The following RANBP17 variants were observed in gnomAD, a reference collection of about 807,000 sequenced individuals.
RANBP17 encodes RAN binding protein 17, also known as ran-binding protein 17.
RANBP17 carries 158 observed loss-of-function variants against 141.2 expected under a neutral mutation model. That is an observed-to-expected ratio of 1.12 (90% confidence interval 0.98 to 1.28). The LOEUF (loss-of-function observed/expected upper bound fraction) is 1.28. RANBP17 is among the 50% of genes most tolerant of loss of function. RANBP17 has a pLI of 0.00. For missense variants in RANBP17, 1,438 were observed against 1,290.7 expected, an observed-to-expected ratio of 1.11 and a Z score of -1.75; for synonymous variants, 430 against 450.0, an observed-to-expected ratio of 0.96 and a Z score of 0.56.
intron 13 of RANBP17, among the ~76,000 whole-genome samples, chr5:170,962,072 TAAC>T (rs984980691): frequency 6.6e-6 from 1 of 152,172 alleles, no homozygotes; most frequent in African/African-American, 2.4e-5. Context: ...GAGGCAAGTG[TAAC>T]AACAAGATGG....
chr5:170,988,717 T>C lies in RANBP17; in HGVS notation c.1710+20340T>C, dbSNP rs146320921. The stretch of plus-strand genomic sequence containing the variant: ...TCTACAGTTCATTATATATGTATTA[T>C]ACATACATGATCTTTGCACTTATGT... On this transcript the variant is annotated intron_variant, in intron 14 of 27. Coordinates refer to ENST00000523189, the MANE Select transcript of RANBP17 (RefSeq NM_022897.5). Among the ~76,000 whole-genome samples the C allele has an allele frequency of 4.1e-3, 617 of 151,940 alleles. 5 individuals carry two copies. The highest frequency in any genetic ancestry group is 0.014 in the African/African-American group (595 of 41,530).
At chr5:171,254,983 C>A (rs1180868101) in intron 24 of RANBP17, among the ~76,000 whole-genome samples, 1 of 152,160 alleles carries the variant, frequency 6.6e-6, no homozygotes, top group Non-Finnish European at 1.5e-5. Flanking sequence ...AGATCTTTAA[C>A]AGGGTCACTT....
At chr5:171,196,518 C>A (rs1761988485) in intron 18 of RANBP17, among the ~76,000 whole-genome samples, 1 of 152,138 alleles carries the variant, frequency 6.6e-6, no homozygotes, top group Non-Finnish European at 1.5e-5. Flanking sequence ...ACTGGGCTGG[C>A]AATCTTGCAG....
chr5:170,897,352 TCTTC>T lies in RANBP17; in HGVS notation c.489+1238_489+1241del, dbSNP rs1468710261. The T allele has an allele frequency of 5.1e-5, 27 of 525,490 alleles. No individual in the cohort carries two copies. The East Asian group carries it at 1.2e-3, about 23-fold the overall frequency. The allele number at this position is 525,490 out of a possible 1,614,324, so 32.6% of individuals were successfully genotyped here. A position where few individuals can be genotyped will look rare whatever the true frequency, so the allele number is the denominator to read the frequency against. ...CTGGGCTTGGCACATTTCTTCTTCT[TCTTC>T]TTCTTTTTTTTTTTTAAATATTCCA... is the stretch of plus-strand genomic sequence containing the variant. On this transcript the variant is annotated intron_variant, in intron 5 of 27. Transcript: ENST00000523189.
At chr5:171,131,417 A>G (rs1200263521) in intron 14 of RANBP17, among the ~76,000 whole-genome samples, 1 of 152,202 alleles carries the variant, frequency 6.6e-6, no homozygotes, top group East Asian at 1.9e-4. Context: ...ACAGCTTGGG[A>G]AAATGTGCTG....
At chr5:171,222,737 C>T (rs1763647292) in intron 22 of RANBP17, among the ~76,000 whole-genome samples, 1 of 152,074 alleles carries the variant, frequency 6.6e-6, no homozygotes, top group Non-Finnish European at 1.5e-5. Flanking sequence ...CTCAGGTGAT[C>T]CTCCCACCTC....
At chr5:170,882,754 AAC>A (rs1267491239) in intron 3 of RANBP17, among the ~76,000 whole-genome samples, 1 of 152,232 alleles carries the variant, frequency 6.6e-6, no homozygotes, top group African/African-American at 2.4e-5. Context: ...TATATGGATA[AAC>A]AGTCTTGGAA....
intron 18 of RANBP17, among the ~76,000 whole-genome samples, chr5:171,192,154 T>A (rs1350476442): frequency 6.6e-6 from 1 of 152,160 alleles, no homozygotes; most frequent in Non-Finnish European, 1.5e-5. Flanking sequence ...AAATAGCTGA[T>A]AGATAGGAAG....
At chr5:171,004,925 A>G (rs953241189) in intron 14 of RANBP17, among the ~76,000 whole-genome samples, 1 of 152,112 alleles carries the variant, frequency 6.6e-6, no homozygotes, top group Non-Finnish European at 1.5e-5. Flanking sequence ...CTTGCATGCT[A>G]GAGATGTGGT....
At chr5:171,224,781 G>A (rs576594431) in intron 22 of RANBP17, among the ~76,000 whole-genome samples, 1 of 152,304 alleles carries the variant, frequency 6.6e-6, no homozygotes, top group Admixed American at 6.5e-5. Context: ...GTAAGGCTCT[G>A]CTCCTCAATT....
Position 171,122,105 on chromosome 5 carries a change from G to T in RANBP17, c.1711-48025G>T, listed in dbSNP as rs1203210884. 5.3e-5 allele frequency among the ~76,000 whole-genome samples: 8 copies of T among 152,256 alleles called. No individual in the cohort carries two copies. The East Asian group carries it at 7.7e-4, about 15-fold the overall frequency. Reference sequence around the variant, plus strand: ...TTCCCTGCAATAGGACCTCCCTCATGGCTCTACGCAGATCCAGTCCACACA... The same window carrying T: ...TTCCCTGCAATAGGACCTCCCTCATTGCTCTACGCAGATCCAGTCCACACA... On this transcript the variant is annotated intron_variant, in intron 14 of 27. Coordinates refer to ENST00000523189, the MANE Select transcript of RANBP17 (RefSeq NM_022897.5).
chr5:171,012,175 A>G (rs1176707218), intron 14 of RANBP17, among the ~76,000 whole-genome samples: 2 of 151,918 alleles, frequency 1.3e-5, no homozygotes, highest in African/African-American at 4.8e-5. Flanking sequence ...TGGCTGAGGA[A>G]AGATAATTCT....
At chr5:171,101,075 T>C (rs1425911146) in intron 14 of RANBP17, among the ~76,000 whole-genome samples, 2 of 152,230 alleles carry the variant, frequency 1.3e-5, no homozygotes, top group Non-Finnish European at 2.9e-5. Context: ...ATGTATATTC[T>C]GTTGATTTGG....
chr5:170,884,275 C>T (rs1327261516), intron 3 of RANBP17, among the ~76,000 whole-genome samples: 1 of 152,098 alleles, frequency 6.6e-6, no homozygotes, highest in African/African-American at 2.4e-5. Flanking sequence ...GGGGCATTGA[C>T]CCCCTGCGCA....
intron 1 of RANBP17, among the ~76,000 whole-genome samples, chr5:170,875,547 AGCAAGG>A (rs1354413105): frequency 1.3e-5 from 2 of 152,096 alleles, no homozygotes; most frequent in Non-Finnish European, 2.9e-5. Context: ...GCCTTATTTC[AGCAAGG>A]TAGTCTTCAA....
intron 25 of RANBP17, among the ~76,000 whole-genome samples, chr5:171,278,054 T>G (rs1217901544): frequency 7.1e-6 from 1 of 140,430 alleles, no homozygotes; most frequent in Non-Finnish European, 1.5e-5. Context: ...ATTTAGAAAC[T>G]GGCACTTAAC....
At chr5:171,227,832 C>T (rs1254042680) in intron 22 of RANBP17, among the ~76,000 whole-genome samples, 1 of 152,174 alleles carries the variant, frequency 6.6e-6, no homozygotes, top group Non-Finnish European at 1.5e-5. Context: ...TAAATCTACT[C>T]TGCATGTGCT....
At chr5:170,876,600 A>G (rs945575006) in intron 1 of RANBP17, among the ~76,000 whole-genome samples, 36 of 151,624 alleles carry the variant, frequency 2.4e-4, no homozygotes, top group Admixed American at 3.3e-4. Flanking sequence ...TTCTGTGTTT[A>G]CTCTAGCAGG....
intron 5 of RANBP17, among the ~76,000 whole-genome samples, chr5:170,902,754 A>C (rs1448014958): frequency 6.6e-6 from 1 of 152,080 alleles, no homozygotes; most frequent in African/African-American, 2.4e-5. Context: ...TCTGTTTGTT[A>C]GTTTTCCTTC....
Sources: allele counts gnomAD v4.1 joint callset (sites outside exome capture counted in the v4.1 genomes callset), GRCh38; gene constraint gnomAD v4.1.1; transcripts MANE v1.5; gene names NCBI Gene and HGNC (gene_info 2026-07-23, HGNC 2026-07-21).